PATL1: variants seen among roughly 807,000 people sequenced by gnomAD.
The protein encoded by PATL1 is PAT1 homolog 1, processing body mRNA decay factor.
A neutral mutation model predicts 100.6 loss-of-function variants in PATL1; 32 were observed. The observed-to-expected ratio is 0.32, with a 90% CI of 0.24 to 0.43. The LOEUF (loss-of-function observed/expected upper bound fraction) is 0.43, where lower values mean the gene tolerates loss of function less well. PATL1 is among the 20% of genes least tolerant of loss of function. The pLI, the probability that PATL1 is intolerant of heterozygous loss-of-function variation, is 1.00. For missense variants in PATL1, 747 were observed against 949.9 expected (o/e 0.79, Z 2.81); for synonymous variants, 332 against 330.0 (o/e 1.01, Z -0.07).
Position 59,668,903 on chromosome 11 carries a change from GA to G in PATL1, c.-9del. ...CACCTCGTAGCGGAACATTCTTGGG[GA>G]GGGGGGCAGGGAGCGGGGAGGGGAG... On this transcript the variant is annotated 5_prime_UTR_variant, in exon 1 of 19. Coordinates refer to ENST00000300146, the MANE Select transcript of PATL1 (RefSeq NM_152716.3). 2.2e-6 allele frequency: 2 copies of G among 907,314 alleles called. No individual in the cohort carries two copies. Among genetic ancestry groups the G allele is most frequent in the Admixed American group, 3.5e-5 (1 of 28,254 alleles). The allele number at this position is 907,314 out of a possible 1,614,324, so 56.2% of individuals were successfully genotyped here.
chr11:59,659,122 A>G (rs1861591347), intron 3 of PATL1, 130 bp downstream of exon 3: 1 of 983,518 alleles, frequency 1.0e-6, no homozygotes, highest in Non-Finnish European at 1.5e-6. Flanking sequence ...TATCATCAGG[A>G]AATATATTAT....
intron 11 of PATL1, 59 bp from the exon 12 acceptor site, chr11:59,651,700 G>T: frequency 1.8e-6 from 2 of 1,094,452 alleles, no homozygotes; most frequent in Non-Finnish European, 2.7e-6. Context: ...ATGCAGGCAG[G>T]CAGTGTTCAA....
chr11:59,657,994 T>C (rs900485183), intron 4 of PATL1, among the ~76,000 whole-genome samples: 1 of 151,284 alleles, frequency 6.6e-6, no homozygotes, highest in African/African-American at 2.4e-5. Context: ...CGAGACTTCA[T>C]CTATACAAAA....
Position 59,658,850 on chromosome 11 carries a change from A to G in PATL1, c.426+16T>C. On this transcript the variant is annotated intron_variant, in intron 4 of 18. Coordinates refer to ENST00000300146, the MANE Select transcript of PATL1 (RefSeq NM_152716.3). ...TGGATATTATAAATTTTATGTAAAG[A>G]GAAAATATTTAATACCTGAGCAAGC... The G allele has an allele frequency of 6.5e-7, 1 of 1,536,786 alleles. No homozygotes were observed. The highest frequency in any genetic ancestry group is 2.5e-5 in the East Asian group (1 of 40,810).
intron 1 of PATL1, 62 bp downstream of exon 1, chr11:59,668,815 GGAGA>G (rs756738075): frequency 3.1e-4 from 279 of 897,434 alleles, no homozygotes; most frequent in Non-Finnish European, 4.1e-4. Context: ...ACCGGCGCGC[GGAGA>G]GAGAGTGAGG....
intron 13 of PATL1, 105 bp from the exon 14 acceptor site, chr11:59,649,715 T>C (rs1416268322): frequency 8.3e-6 from 10 of 1,206,350 alleles, no homozygotes; most frequent in African/African-American, 3.2e-5. Context: ...AAACTCATTA[T>C]AGAAAGACTG....
intron 2 of PATL1, among the ~76,000 whole-genome samples, chr11:59,660,298 C>A (rs1861610311): frequency 6.6e-6 from 1 of 151,970 alleles, no homozygotes; most frequent in Admixed American, 6.6e-5. Context: ...CATTGGTGTA[C>A]AAAAAGACAC....
intron 10 of PATL1, 57 bp downstream of exon 10, chr11:59,652,780 AC>A: frequency 6.5e-7 from 1 of 1,541,894 alleles, no homozygotes; most frequent in Non-Finnish European, 8.8e-7. Context: ...TTAAATGAAT[AC>A]CCTCACCAGT....
chr11:59,649,624 C>G lies in PATL1; in HGVS notation c.1585-14G>C. ...TAAGCTGTAGGTCTAAGAAGGGAGA[C>G]AAAAGCAGGCCACAGCATGCTAGGT... On this transcript the variant is annotated splice_polypyrimidine_tract_variant and intron_variant, in intron 13 of 18. Coordinates refer to ENST00000300146, the MANE Select transcript of PATL1 (RefSeq NM_152716.3). 1 of 1,609,044 alleles carries G rather than the reference C, an allele frequency of 6.2e-7. No individual in the cohort carries two copies. The highest frequency in any genetic ancestry group is 2.2e-5 in the East Asian group (1 of 44,784).
At chr11:59,666,114 C>T (rs778756943) in intron 2 of PATL1, among the ~76,000 whole-genome samples, 1 of 152,046 alleles carries the variant, frequency 6.6e-6, no homozygotes, top group Non-Finnish European at 1.5e-5. Context: ...GGTGTGGTGG[C>T]GGGCACCTGT....
rs746263192 is a variant in PATL1 at position 59,657,541 on chromosome 11, A to T, written c.610T>A (p.Phe204Ile). 2 of 1,601,412 alleles carry T rather than the reference A, an allele frequency of 1.2e-6. No individual in the cohort carries two copies. Among genetic ancestry groups the T allele is most frequent in the Non-Finnish European group, 1.7e-6 (2 of 1,172,922 alleles). Residue 204 changes from phenylalanine (F) to isoleucine (I), a missense_variant, in exon 5 of 19, where the codon TTC (phenylalanine) becomes ATC (isoleucine). Coordinates refer to ENST00000300146, the MANE Select transcript of PATL1 (RefSeq NM_152716.3). The stretch of plus-strand genomic sequence containing the variant: ...TTAATGAGAGGTACCTGTTGGGTGA[A>T]GCTGGGTACAGCCATCTGTTTAGGT... ...TPPKQMAVPS[F>I]TQQILCPKPV...
chr11:59,639,112 G>A lies in PATL1; in HGVS notation c.2227C>T (p.Leu743=). The A allele has an allele frequency of 6.2e-7, 1 of 1,613,988 alleles. No homozygotes were observed. The highest frequency in any genetic ancestry group is 8.5e-7 in the Non-Finnish European group (1 of 1,179,886). ...LAKPISIPTN[L]VSLFSRYVDR... ...ACATAGCGAGAAAAGAGGGACACTAGGTTTGTAGGTATAGAGATTGGCTTG... is the reference window on the plus strand; with the variant it reads ...ACATAGCGAGAAAAGAGGGACACTAAGTTTGTAGGTATAGAGATTGGCTTG... Residue 743 remains leucine, a synonymous_variant, in exon 18 of 19, where the codon CTA becomes TTA. Coordinates refer to ENST00000300146, the MANE Select transcript of PATL1 (RefSeq NM_152716.3).
rs1349119018 is a variant in PATL1, at chr11:59,658,867, T to G, written c.425A>C (p.Gln142Pro). Reference protein sequence around the residue: ...LRRIRGPLLAQEMPTVSVLEY... With the variant: ...LRRIRGPLLAPEMPTVSVLEY... ...ATGTAAAGAGAAAATATTTAATACCTGAGCAAGCAGTGGTCCTCGGATTCG... is the reference window on the plus strand; with the variant it reads ...ATGTAAAGAGAAAATATTTAATACCGGAGCAAGCAGTGGTCCTCGGATTCG... The change falls in exon 4 of 19, where the codon CAG becomes CCG. Residue 142 changes from glutamine to proline, a missense_variant and splice_region_variant. By Grantham distance (76) the Gln-to-Pro change is moderately conservative (BLOSUM62 -1). Transcript: ENST00000300146. 1.9e-6 allele frequency: 3 copies of G among 1,545,020 alleles called. No individual in the cohort carries two copies. In the Admixed American group the frequency reaches 6.1e-5, roughly 31 times the overall value.
At chr11:59,647,710 C>T in intron 15 of PATL1, 44 bp downstream of exon 15, 1 of 1,594,788 alleles carries the variant, frequency 6.3e-7, no homozygotes, top group Non-Finnish European at 8.6e-7. Flanking sequence ...AATCTTATCA[C>T]TTATAAAGAC....
In PATL1 at chr11:59,652,366, T is replaced by C. The variant is rs1861459744; in HGVS notation, c.1426+98A>G. The C allele has an allele frequency of 3.5e-6, 5 of 1,447,312 alleles. No individual in the cohort carries two copies. The Admixed American group carries it at 9.9e-5, about 29-fold the overall frequency. The allele number at this position is 1,447,312 out of a possible 1,614,324, so 89.7% of individuals were successfully genotyped here. A position where few individuals can be genotyped will look rare whatever the true frequency, so the allele number is the denominator to read the frequency against. On this transcript the variant is annotated intron_variant, in intron 11 of 18. Coordinates refer to ENST00000300146, the MANE Select transcript of PATL1 (RefSeq NM_152716.3). ...CTTTTAAAATCACTTTGAAACATCT[T>C]TGCATATCCTTCCACATATACACTT...
intron 2 of PATL1, among the ~76,000 whole-genome samples, chr11:59,665,866 G>C (rs902950217): frequency 2.0e-5 from 3 of 148,906 alleles, no homozygotes; most frequent in Non-Finnish European, 4.4e-5. Flanking sequence ...CCTGTTCTAA[G>C]TAACATGTGT....
At position 59,668,899 on chromosome 11, in the gene PATL1, TG is replaced by T; in HGVS notation, c.-5del. On this transcript the variant is annotated 5_prime_UTR_variant, in exon 1 of 19. Transcript: ENST00000300146. ...AGCTCACCTCGTAGCGGAACATTCT[TG>T]GGGAGGGGGGCAGGGAGCGGGGAGG... is the stretch of plus-strand genomic sequence containing the variant. 3 of 667,758 alleles carry T rather than the reference TG, an allele frequency of 4.5e-6. No individual in the cohort carries two copies. Among genetic ancestry groups the T allele is most frequent in the Non-Finnish European group, 6.3e-6 (3 of 478,264 alleles). 41.4% of individuals were successfully genotyped at this position (667,758 alleles called of 1,614,324 possible). A position where few individuals can be genotyped will look rare whatever the true frequency, so the allele number is the denominator to read the frequency against.
chr11:59,649,560 T>C lies in PATL1; in HGVS notation c.1635A>G (p.Leu545=). Residue 545 remains leucine, a synonymous_variant, in exon 14 of 19, where the codon CTA becomes CTG. Transcript: ENST00000300146. Reference sequence around the variant, plus strand: ...GGGCAGGTCGCTCTTCTTCCAGACTTAGGAGATAACGTCTTTCATAGTCCT... The same window carrying C: ...GGGCAGGTCGCTCTTCTTCCAGACTCAGGAGATAACGTCTTTCATAGTCCT... ...DVEDYERRYL[L]SLEEERPALM... 1 of 1,613,572 alleles carries C rather than the reference T, an allele frequency of 6.2e-7. No homozygotes were observed.
intron 11 of PATL1, 108 bp from the exon 12 acceptor site, chr11:59,651,749 T>C (rs767043591): frequency 1.5e-5 from 11 of 713,584 alleles, no homozygotes; most frequent in Non-Finnish European, 2.4e-5. Flanking sequence ...ACTCATAGTC[T>C]AATAACTTAC....
Sources: allele counts gnomAD v4.1 joint callset (sites outside exome capture counted in the v4.1 genomes callset), GRCh38; gene constraint gnomAD v4.1.1; transcripts MANE v1.5; gene names NCBI Gene and HGNC (gene_info 2026-07-23, HGNC 2026-07-21).